Variants in GALM observed in about 807,000 individuals in gnomAD.
GALM encodes the protein galactose mutarotase, also known as aldose 1-epimerase.
GALM carries 43 observed loss-of-function variants against 37.4 expected under a neutral mutation model. The ratio of observed to expected loss-of-function variants is 1.15; its 90% CI spans 0.90 to 1.48. The LOEUF (loss-of-function observed/expected upper bound fraction) is 1.48. GALM is among the 40% of genes most tolerant of loss of function. GALM has a pLI of 0.00. For missense variants in GALM, 456 were observed against 419.1 expected, an observed-to-expected ratio of 1.09 and a Z score of -0.77; for synonymous variants, 199 against 170.6, an observed-to-expected ratio of 1.17 and a Z score of -1.30.
intron 4 of GALM, among the ~76,000 whole-genome samples, chr2:38,698,750 T>C (rs1665860818): frequency 6.6e-6 from 1 of 152,174 alleles, no homozygotes; most frequent in African/African-American, 2.4e-5. Flanking sequence ...GCCAGATCCC[T>C]GTGCTGCTTT....
At chr2:38,693,190 C>A (rs1409340483) in intron 4 of GALM, among the ~76,000 whole-genome samples, 1 of 152,174 alleles carries the variant, frequency 6.6e-6, no homozygotes, top group Non-Finnish European at 1.5e-5. Context: ...CTACAAGAAC[C>A]TGTTAGACCA....
intron 4 of GALM, among the ~76,000 whole-genome samples, chr2:38,708,344 C>A (rs1295411559): frequency 6.6e-6 from 1 of 151,804 alleles, no homozygotes; most frequent in Admixed American, 6.6e-5. Context: ...GAATCCTGGG[C>A]CCCACCTCAG....
intron 4 of GALM, among the ~76,000 whole-genome samples, chr2:38,703,054 T>TA (rs1665951434): frequency 2.9e-4 from 4 of 13,956 alleles, no homozygotes; most frequent in African/African-American, 7.9e-4. Context: ...ATGTGGGATT[T>TA]TATATATATA....
intron 3 of GALM, among the ~76,000 whole-genome samples, chr2:38,682,937 AAAAC>A (rs1665433204): frequency 6.6e-6 from 1 of 152,096 alleles, no homozygotes; most frequent in Non-Finnish European, 1.5e-5. Flanking sequence ...ACAAAAGACA[AAAAC>A]AAAACAAAAA....
At chr2:38,675,115 C>A (rs923519725) in intron 1 of GALM, among the ~76,000 whole-genome samples, 1 of 152,042 alleles carries the variant, frequency 6.6e-6, no homozygotes, top group African/African-American at 2.4e-5. Context: ...ATGGAGTTTG[C>A]AGTTAGCCGA....
At chr2:38,717,056 G>A (rs1345372694) in intron 4 of GALM, among the ~76,000 whole-genome samples, 1 of 152,040 alleles carries the variant, frequency 6.6e-6, no homozygotes, top group African/African-American at 2.4e-5. Flanking sequence ...TTCAAGACCA[G>A]CCTGACCAAC....
At chr2:38,714,093 T>C (rs1666222501) in intron 4 of GALM, among the ~76,000 whole-genome samples, 1 of 152,184 alleles carries the variant, frequency 6.6e-6, no homozygotes, top group South Asian at 2.1e-4. Flanking sequence ...TTAACTATTA[T>C]TAGTACCATC....
chr2:38,677,865 A>G (rs964327268), intron 2 of GALM, among the ~76,000 whole-genome samples: 1 of 151,968 alleles, frequency 6.6e-6, no homozygotes, highest in African/African-American at 2.4e-5. Context: ...AAGCCAGAGA[A>G]GACAGGAACA....
At chr2:38,690,316 A>T (rs920185028) in intron 4 of GALM, among the ~76,000 whole-genome samples, 1 of 151,956 alleles carries the variant, frequency 6.6e-6, no homozygotes, top group African/African-American at 2.4e-5. Flanking sequence ...ATTTTTTTTT[A>T]AGATTAAAAA....
At chr2:38,725,924 C>A (rs1666476842) in intron 4 of GALM, among the ~76,000 whole-genome samples, 1 of 151,986 alleles carries the variant, frequency 6.6e-6, no homozygotes, top group African/African-American at 2.4e-5. Flanking sequence ...GTTGCCCAGG[C>A]TGGTCTCAAA....
At chr2:38,719,774 CAAAAA>C (rs34403810) in intron 4 of GALM, among the ~76,000 whole-genome samples, 1 of 118,528 alleles carries the variant, frequency 8.4e-6, no homozygotes, top group Admixed American at 8.9e-5. Context: ...AATTCTGTCT[CAAAAA>C]AAAAAAAAAA....
rs974296521 is a variant in GALM at position 38,716,289 on chromosome 2, A to G, written c.635-13267A>G. 5.3e-5 allele frequency among the ~76,000 whole-genome samples: 8 copies of G among 152,224 alleles called. 1 individual carries two copies. The highest frequency in any genetic ancestry group is 1.9e-4 in the African/African-American group (8 of 41,466). ...GATTGTTGTGTACGTGTTCAAGAGT[A>G]TGGAGGAATCATAAACAGTCCAGAA... On this transcript the variant is annotated intron_variant, in intron 4 of 6. Coordinates refer to ENST00000272252, the MANE Select transcript of GALM (RefSeq NM_138801.3).
intron 4 of GALM, among the ~76,000 whole-genome samples, chr2:38,698,917 A>T (rs1354378543): frequency 7.1e-6 from 1 of 141,562 alleles, no homozygotes; most frequent in Non-Finnish European, 1.5e-5. Flanking sequence ...AGCTGTTATT[A>T]TTATTATTAT....
chr2:38,682,298 A>G (rs1048870999), intron 3 of GALM: 1 of 453,796 alleles, frequency 2.2e-6, no homozygotes, highest in Non-Finnish European at 4.4e-6. Context: ...AAGCTTAGCT[A>G]AACTCTGTAG....
chr2:38,701,498 C>T (rs1323926703), intron 4 of GALM, among the ~76,000 whole-genome samples: 2 of 152,218 alleles, frequency 1.3e-5, no homozygotes, highest in African/African-American at 2.4e-5. Context: ...CCAATTCACT[C>T]TGTCCCCCAG....
At chr2:38,719,984 T>G (rs1558595220) in intron 4 of GALM, among the ~76,000 whole-genome samples, 1 of 151,834 alleles carries the variant, frequency 6.6e-6, no homozygotes, top group Non-Finnish European at 1.5e-5. Context: ...GGTGGATTGC[T>G]TGAGCCTAGG....
intron 1 of GALM, among the ~76,000 whole-genome samples, chr2:38,674,379 G>A (rs35448554): frequency 0.12 from 17,726 of 151,862 alleles, 1,216 homozygotes; most frequent in South Asian, 0.24. Context: ...TAGTGGAGAC[G>A]GGGTTTCACC....
intron 1 of GALM, among the ~76,000 whole-genome samples, 173 bp downstream of exon 1, chr2:38,666,524 T>C (rs1422223853): frequency 6.6e-6 from 1 of 152,242 alleles, no homozygotes; most frequent in African/African-American, 2.4e-5. Context: ...ATCCAGCATT[T>C]GGGAAAAACT....
intron 1 of GALM, among the ~76,000 whole-genome samples, chr2:38,670,424 A>C (rs1358556435): frequency 1.3e-5 from 2 of 152,230 alleles, no homozygotes; most frequent in African/African-American, 4.8e-5. Flanking sequence ...TGAGGAAAAA[A>C]AAGGATCAGG....
Sources: gnomAD v4.1 joint callset for allele counts (sites outside exome capture counted in the v4.1 genomes callset) on GRCh38, gnomAD v4.1.1 for gene constraint, MANE v1.5 for transcripts, NCBI Gene and HGNC (gene_info 2026-07-23, HGNC 2026-07-21) for gene names.